The following SMARCC1 variants were observed in gnomAD, a reference collection of about 807,000 sequenced individuals.
SMARCC1 encodes SWI/SNF complex subunit SMARCC1.
A neutral mutation model predicts 147.4 loss-of-function variants in SMARCC1; 43 were observed. The observed-to-expected ratio is 0.29, with a 90% CI of 0.23 to 0.38. The LOEUF is 0.38. Among genes scored for constraint, SMARCC1 ranks in the 10% least tolerant of loss-of-function variants. SMARCC1 has a pLI of 1.00. For synonymous variants in SMARCC1, 495 were observed against 484.4 expected (o/e 1.02, Z -0.29); for missense variants, 1,119 against 1,381.1 (o/e 0.81, Z 3.01).
At chr3:47,631,224 G>A (rs2032885921) in intron 24 of SMARCC1, among the ~76,000 whole-genome samples, 1 of 152,142 alleles carries the variant, frequency 6.6e-6, no homozygotes, top group Admixed American at 6.5e-5. Flanking sequence ...ATTTCTAGGG[G>A]GTAAGAGTCT....
chr3:47,735,393 A>C (rs2034429853), intron 5 of SMARCC1, among the ~76,000 whole-genome samples: 1 of 152,152 alleles, frequency 6.6e-6, no homozygotes, highest in South Asian at 2.1e-4. Flanking sequence ...GCTCACACCT[A>C]TAATCAATCC....
At chr3:47,628,022 T>C (rs1324927189) in intron 24 of SMARCC1, among the ~76,000 whole-genome samples, 1 of 152,006 alleles carries the variant, frequency 6.6e-6, no homozygotes, top group African/African-American at 2.4e-5. Context: ...GTGCTGGGTC[T>C]AAACATCTTT....
At position 47,769,459 on chromosome 3, in the gene SMARCC1, C is replaced by T. The variant is rs533212604; in HGVS notation, c.315+3358G>A. Among the ~76,000 whole-genome samples, 34 of 151,868 alleles carry T rather than the reference C, an allele frequency of 2.2e-4. 1 individual carries two copies. In the South Asian group the frequency reaches 6.9e-3, roughly 31 times the overall value. ...AGCCAGGATGGTCTCGATCTCCTGA[C>T]CTCGTGATCCGCCCTCCTCAGCCTC... is the stretch of plus-strand genomic sequence containing the variant. On this transcript the variant is annotated intron_variant, in intron 2 of 27. Coordinates refer to ENST00000254480, the MANE Select transcript of SMARCC1 (RefSeq NM_003074.4).
Position 47,652,997 on chromosome 3 carries a change from C to T in SMARCC1, c.2320+8297G>A, listed in dbSNP as rs1488957522. ...CGGAGTCTCGCTCTGTCGCCCAGGC[C>T]GGACTGCGGACTGCAGTGGCGCAAT... is the stretch of plus-strand genomic sequence containing the variant. On this transcript the variant is annotated intron_variant, in intron 21 of 27. Coordinates refer to ENST00000254480, the MANE Select transcript of SMARCC1 (RefSeq NM_003074.4). Among the ~76,000 whole-genome samples the T allele has an allele frequency of 8.7e-5, 13 of 149,886 alleles. No homozygotes were observed. In the South Asian group the frequency reaches 1.9e-3, roughly 22 times the overall value.
intron 5 of SMARCC1, among the ~76,000 whole-genome samples, 152 bp downstream of exon 5, chr3:47,735,880 GAA>G (rs111950490): frequency 1.3e-5 from 1 of 76,646 alleles, no homozygotes. Context: ...TCTCTAAAAA[GAA>G]AAAAAAAAAA....
chr3:47,709,627 A>T (rs1454556591), intron 9 of SMARCC1, among the ~76,000 whole-genome samples: 1 of 152,164 alleles, frequency 6.6e-6, no homozygotes, highest in Non-Finnish European at 1.5e-5. Flanking sequence ...TGGAGGTTGC[A>T]GTGAGCCGAG....
intron 14 of SMARCC1, 36 bp from the exon 15 acceptor site, chr3:47,680,544 C>A: frequency 4.1e-5 from 15 of 363,970 alleles, no homozygotes; most frequent in African/African-American, 9.5e-5. Context: ...TAGGAGTGTT[C>A]TTTTTTTTTT....
rs187697156 is a variant in SMARCC1 at position 47,608,382 on chromosome 3, C to T, written c.3043+1684G>A. Among the ~76,000 whole-genome samples the T allele has an allele frequency of 3.3e-5, 5 of 152,264 alleles. No homozygotes were observed. The East Asian group carries it at 7.7e-4, about 23-fold the overall frequency. ...AATTACAGGCATGAACCATTGCGCCCGGCCTAAAATAGCTAATTTAAGAAG... is the reference window on the plus strand; with the variant it reads ...AATTACAGGCATGAACCATTGCGCCTGGCCTAAAATAGCTAATTTAAGAAG... On this transcript the variant is annotated intron_variant, in intron 26 of 27. Coordinates refer to ENST00000254480, the MANE Select transcript of SMARCC1 (RefSeq NM_003074.4).
intron 21 of SMARCC1, among the ~76,000 whole-genome samples, chr3:47,660,144 A>G (rs1330692555): frequency 6.6e-6 from 1 of 152,156 alleles, no homozygotes; most frequent in African/African-American, 2.4e-5. Flanking sequence ...TTTTCATAGT[A>G]GTATAAAAGT....
In SMARCC1 at chr3:47,717,355, G is replaced by A. The variant is rs142759265; in HGVS notation, c.717-2865C>T. Among the ~76,000 whole-genome samples the A allele has an allele frequency of 3.0e-4, 46 of 152,198 alleles. No individual in the cohort carries two copies. The East Asian group carries it at 7.0e-3, about 23-fold the overall frequency. On this transcript the variant is annotated intron_variant, in intron 7 of 27. Transcript: ENST00000254480. The stretch of plus-strand genomic sequence containing the variant: ...TGAAAAACTCCATACTGTGGTAAAC[G>A]AAACATGACAAACCAACTGGTTTCT...
rs566215027 is a variant in SMARCC1 at position 47,697,361 on chromosome 3, C to T, written c.1165+3917G>A. Among the ~76,000 whole-genome samples the T allele has an allele frequency of 8.6e-5, 13 of 150,622 alleles. No homozygotes were observed. In the South Asian group the frequency reaches 1.5e-3, roughly 17 times the overall value. On this transcript the variant is annotated intron_variant, in intron 11 of 27. Transcript: ENST00000254480. ...TGTCGCCCAGGCTGGAGTGCCCTGG[C>T]GTGATCGTGGCTCACTGCAACCTCC...
intron 11 of SMARCC1, among the ~76,000 whole-genome samples, chr3:47,694,805 C>G (rs2033828496): frequency 6.6e-6 from 1 of 152,208 alleles, no homozygotes; most frequent in African/African-American, 2.4e-5. Context: ...TCTGTTCACA[C>G]ACTTCTTGGC....
intron 5 of SMARCC1, among the ~76,000 whole-genome samples, chr3:47,730,327 A>C (rs758383499): frequency 4.6e-5 from 7 of 152,150 alleles, no homozygotes; most frequent in Non-Finnish European, 8.8e-5. Context: ...GTCTCAAATT[A>C]AAAAAGAAAT....
chr3:47,605,273 T>C lies in SMARCC1; in HGVS notation c.3043+4793A>G, dbSNP rs540638455. Among the ~76,000 whole-genome samples the C allele has an allele frequency of 2.6e-5, 4 of 152,230 alleles. No individual in the cohort carries two copies. The East Asian group carries it at 5.8e-4, about 22-fold the overall frequency. On this transcript the variant is annotated intron_variant, in intron 26 of 27. Transcript: ENST00000254480. ...GATATATACAACAGAAATGTACATA[T>C]ATGTCTTATCAAAAGACGTGCTCAT...
chr3:47,647,163 G>C (rs1170106239), intron 21 of SMARCC1, among the ~76,000 whole-genome samples: 1 of 152,162 alleles, frequency 6.6e-6, no homozygotes, highest in Non-Finnish European at 1.5e-5. Flanking sequence ...TCTTTCAAAA[G>C]TTCCTCAGTC....
At chr3:47,611,930 G>A (rs2032570995) in intron 25 of SMARCC1, among the ~76,000 whole-genome samples, 2 of 152,220 alleles carry the variant, frequency 1.3e-5, no homozygotes, top group Non-Finnish European at 2.9e-5. Context: ...CTGGCTTGTA[G>A]ACTTTCCTTA....
rs1024562055 is a variant in SMARCC1 at position 47,586,112 on chromosome 3, A to G, written c.*2097T>C. The G allele has an allele frequency of 3.3e-5, 5 of 152,584 alleles. No homozygotes were observed. The highest frequency in any genetic ancestry group is 1.2e-4 in the African/African-American group (5 of 41,456). 9.5% of individuals were successfully genotyped at this position (152,584 alleles called of 1,614,324 possible). On this transcript the variant is annotated 3_prime_UTR_variant, in exon 28 of 28. Transcript: ENST00000254480. ...CCAGATCAAAGACATGAAAAGAAAAAGCCACCACTTATACTGAAATATAAC... is the reference window on the plus strand; with the variant it reads ...CCAGATCAAAGACATGAAAAGAAAAGGCCACCACTTATACTGAAATATAAC...
In SMARCC1 at chr3:47,685,556, T is replaced by TA. The variant is rs34711590; in HGVS notation, c.1385+492dup. ...TTTCAATCCCTGAATTGTTTTTCTT[T>TA]AAAAAAAAAAAAAAAAATTCGAGCC... On this transcript the variant is annotated intron_variant, in intron 14 of 27. Coordinates refer to ENST00000254480, the MANE Select transcript of SMARCC1 (RefSeq NM_003074.4). Among the ~76,000 whole-genome samples the TA allele has an allele frequency of 6.9e-3, 959 of 139,398 alleles. 13 individuals carry two copies. Among genetic ancestry groups the TA allele is most frequent in the African/African-American group, 0.019 (706 of 37,998 alleles). The allele number at this position is 139,398 out of a possible 152,430, so 91.5% of individuals were successfully genotyped here. A position where few individuals can be genotyped will look rare whatever the true frequency, so the allele number is the denominator to read the frequency against.
intron 3 of SMARCC1, among the ~76,000 whole-genome samples, chr3:47,740,235 G>A (rs545887917): frequency 1.7e-5 from 2 of 114,420 alleles, no homozygotes; most frequent in Admixed American, 2.6e-4. Flanking sequence ...TCGCCCTGTC[G>A]TCCAGACTGG....
Sources: gnomAD v4.1 joint callset for allele counts (sites outside exome capture counted in the v4.1 genomes callset) on GRCh38, gnomAD v4.1.1 for gene constraint, MANE v1.5 for transcripts, NCBI Gene and HGNC (gene_info 2026-07-23, HGNC 2026-07-21) for gene names.